The following NELL1 variants were observed in gnomAD, a reference collection of about 807,000 sequenced individuals.
NELL1 encodes the protein neural EGFL like 1.
In NELL1, 76 loss-of-function variants were observed where a neutral mutation model predicts 107.4. The ratio of observed to expected loss-of-function variants is 0.71; its 90% CI spans 0.59 to 0.86. NELL1 has a LOEUF of 0.86. Ranked by LOEUF, NELL1 falls within the 40% of genes least tolerant of loss-of-function variation. The pLI, the probability that NELL1 is intolerant of heterozygous loss-of-function variation, is 0.00. For synonymous variants in NELL1, 353 were observed against 341.2 expected (o/e 1.03, Z -0.38); for missense variants, 1,024 against 1,005.5 (o/e 1.02, Z -0.25).
At chr11:21,027,102 A>T (rs11025879) in intron 12 of NELL1, among the ~76,000 whole-genome samples, 17,286 of 152,036 alleles carry the variant, frequency 0.11, 1,674 homozygotes, top group East Asian at 0.35. Context: ...GGAAGTAGAT[A>T]AAGCAAGGTT....
intron 14 of NELL1, among the ~76,000 whole-genome samples, chr11:21,335,068 A>G (rs968588272): frequency 2.0e-5 from 3 of 152,034 alleles, no homozygotes; most frequent in Non-Finnish European, 2.9e-5. Context: ...GTGGAATCAA[A>G]TTCAATTAAG....
At chr11:21,498,595 C>T (rs1855050409) in intron 15 of NELL1, among the ~76,000 whole-genome samples, 1 of 151,668 alleles carries the variant, frequency 6.6e-6, no homozygotes, top group Admixed American at 6.6e-5. Flanking sequence ...ATTTTTAATA[C>T]AAATAATGTC....
intron 13 of NELL1, among the ~76,000 whole-genome samples, chr11:21,154,939 T>C (rs1856198841): frequency 6.6e-6 from 1 of 152,184 alleles, no homozygotes; most frequent in South Asian, 2.1e-4. Flanking sequence ...ATACAATTTA[T>C]AGGACTGGGT....
At chr11:20,701,676 C>A (rs1002102520) in intron 2 of NELL1, among the ~76,000 whole-genome samples, 431 of 152,094 alleles carry the variant, frequency 2.8e-3, no homozygotes, top group African/African-American at 7.6e-3. Context: ...ATCTTGAATT[C>A]ATTTTTGTAT....
intron 15 of NELL1, among the ~76,000 whole-genome samples, chr11:21,478,825 T>C (rs1279281265): frequency 1.7e-5 from 2 of 116,896 alleles, no homozygotes; most frequent in Non-Finnish European, 3.5e-5. Flanking sequence ...ATATAGGAGC[T>C]CAAACAACCC....
chr11:21,337,800 C>A (rs1323312297), intron 14 of NELL1, among the ~76,000 whole-genome samples: 1 of 88,762 alleles, frequency 1.1e-5, no homozygotes, highest in South Asian at 5.2e-4. Flanking sequence ...TTCTTTCCTT[C>A]TTTCTTTCTT....
intron 2 of NELL1, among the ~76,000 whole-genome samples, chr11:20,706,782 C>A (rs1457130396): frequency 6.6e-6 from 1 of 152,128 alleles, no homozygotes; most frequent in African/African-American, 2.4e-5. Context: ...TGTGGGTAAC[C>A]CAACCTTTCT....
At chr11:20,865,842 C>T (rs1849085831) in intron 4 of NELL1, among the ~76,000 whole-genome samples, 1 of 152,184 alleles carries the variant, frequency 6.6e-6, no homozygotes, top group Admixed American at 6.5e-5. Context: ...ATCTATTATT[C>T]TCTTTGCAAA....
chr11:21,100,745 T>C (rs75702485), intron 12 of NELL1, among the ~76,000 whole-genome samples: 3,950 of 152,250 alleles, frequency 0.026, 155 homozygotes, highest in African/African-American at 0.09. Context: ...CATAGCAGCT[T>C]TGCTTAATTC....
intron 4 of NELL1, among the ~76,000 whole-genome samples, chr11:20,878,379 G>A (rs199587490): frequency 9.0e-4 from 72 of 80,438 alleles, no homozygotes; most frequent in Non-Finnish European, 1.1e-3. Context: ...AAAAAAAAAA[G>A]ATGCCATTTG....
intron 3 of NELL1, among the ~76,000 whole-genome samples, chr11:20,788,703 T>A (rs1056768411): frequency 4.6e-5 from 7 of 152,158 alleles, no homozygotes; most frequent in African/African-American, 9.7e-5. Context: ...ATGTCCAATT[T>A]TTTTTTATTT....
At chr11:20,787,019 A>AAAAAAAG (rs1554920657) in intron 3 of NELL1, among the ~76,000 whole-genome samples, 13 of 149,254 alleles carry the variant, frequency 8.7e-5, no homozygotes, top group African/African-American at 3.0e-4. Flanking sequence ...AAAAAAAAAA[A>AAAAAAAG]AAAAAAAAAA....
intron 13 of NELL1, among the ~76,000 whole-genome samples, chr11:21,228,989 G>A (rs1384737634): frequency 2.0e-5 from 3 of 151,876 alleles, no homozygotes; most frequent in African/African-American, 7.3e-5. Flanking sequence ...TGCAGGATGA[G>A]GCAGTGCAAA....
Position 21,174,332 on chromosome 11 carries a change from C to CA in NELL1, c.1427-54994dup, listed in dbSNP as rs940725242. 1.8e-4 allele frequency among the ~76,000 whole-genome samples: 28 copies of CA among 151,834 alleles called. 1 individual carries two copies. Among genetic ancestry groups the CA allele is most frequent in the African/African-American group, 6.6e-4 (27 of 41,142 alleles). On this transcript the variant is annotated intron_variant, in intron 13 of 19. Transcript: ENST00000357134. ...CCCACAAAATATATGTGGTAGCTTACAAAAAACTATGTCTTCTAACATTTT... is the reference window on the plus strand; with the variant it reads ...CCCACAAAATATATGTGGTAGCTTACAAAAAAACTATGTCTTCTAACATTTT...
At chr11:21,226,765 A>G (rs1857903919) in intron 13 of NELL1, among the ~76,000 whole-genome samples, 1 of 152,210 alleles carries the variant, frequency 6.6e-6, no homozygotes, top group Admixed American at 6.5e-5. Flanking sequence ...AATTTTATAA[A>G]AGTTCTAAGA....
At chr11:20,900,913 G>T (rs1383518694) in intron 5 of NELL1, among the ~76,000 whole-genome samples, 1 of 151,974 alleles carries the variant, frequency 6.6e-6, no homozygotes, top group Non-Finnish European at 1.5e-5. Flanking sequence ...GGCACTAGAA[G>T]AAATTCAATA....
intron 3 of NELL1, among the ~76,000 whole-genome samples, chr11:20,824,344 A>G (rs2134028510): frequency 6.6e-6 from 1 of 151,448 alleles, no homozygotes; most frequent in African/African-American, 2.4e-5. Context: ...TAGCAGTGTG[A>G]GAACAGACTA....
intron 14 of NELL1, among the ~76,000 whole-genome samples, chr11:21,297,724 G>C (rs1849403259): frequency 6.6e-6 from 1 of 152,042 alleles, no homozygotes; most frequent in African/African-American, 2.4e-5. Flanking sequence ...CCACAGGGCT[G>C]AGAGAATCAA....
At position 21,232,147 on chromosome 11, in the gene NELL1, TA is replaced by T. The variant is rs869244876; in HGVS notation, c.1549+2706del. Among the ~76,000 whole-genome samples the T allele has an allele frequency of 4.6e-3, 416 of 90,502 alleles. 7 individuals are homozygous for T. Among genetic ancestry groups the T allele is most frequent in the East Asian group, 0.011 (41 of 3,784 alleles). 59.4% of individuals were successfully genotyped at this position (90,502 alleles called of 152,430 possible). Reference sequence around the variant, plus strand: ...AAACTCCATCTCTACTAAAAAAAAATAAAAAAAAAAAAATATATATATATAT... The same window carrying T: ...AAACTCCATCTCTACTAAAAAAAAATAAAAAAAAAAAATATATATATATAT... On this transcript the variant is annotated intron_variant, in intron 14 of 19. Coordinates refer to ENST00000357134, the MANE Select transcript of NELL1 (RefSeq NM_006157.5).
Sources: gnomAD v4.1 joint callset for allele counts (sites outside exome capture counted in the v4.1 genomes callset) on GRCh38, gnomAD v4.1.1 for gene constraint, MANE v1.5 for transcripts, NCBI Gene and HGNC (gene_info 2026-07-23, HGNC 2026-07-21) for gene names.